HS6ST3: variants seen among roughly 807,000 people sequenced by gnomAD.
HS6ST3 encodes heparan-sulfate 6-O-sulfotransferase 3.
A neutral mutation model predicts 36.7 loss-of-function variants in HS6ST3; 12 were observed. That is an observed-to-expected ratio of 0.33 (90% CI 0.21 to 0.53). The LOEUF (loss-of-function observed/expected upper bound fraction) is 0.53. HS6ST3 is among the 20% of genes least tolerant of loss of function. The pLI is 0.95. For synonymous variants in HS6ST3, 240 were observed against 257.5 expected, an observed-to-expected ratio of 0.93 and a Z score of 0.65; for missense variants, 584 against 640.9, an observed-to-expected ratio of 0.91 and a Z score of 0.96.
intron 1 of HS6ST3, chr13:96,574,018 T>A (rs1318049417): frequency 3.7e-6 from 2 of 542,722 alleles, no homozygotes; most frequent in Admixed American, 3.9e-5. Context: ...GATTCACCAA[T>A]GACCCCTGTC....
At chr13:96,609,095 G>A (rs781323365) in intron 1 of HS6ST3, among the ~76,000 whole-genome samples, 1 of 151,796 alleles carries the variant, frequency 6.6e-6, no homozygotes, top group African/African-American at 2.4e-5. Context: ...TCAGCCTCCC[G>A]AGTAGCTGGG....
At chr13:96,197,661 G>A (rs1208777783) in intron 1 of HS6ST3, among the ~76,000 whole-genome samples, 2 of 152,182 alleles carry the variant, frequency 1.3e-5, no homozygotes, top group African/African-American at 4.8e-5. Context: ...GATACAATGA[G>A]GGTACAGGTG....
intron 1 of HS6ST3, among the ~76,000 whole-genome samples, chr13:96,160,924 A>G (rs1046548895): frequency 6.6e-6 from 1 of 152,200 alleles, no homozygotes; most frequent in Non-Finnish European, 1.5e-5. Context: ...TACAGGCTCA[A>G]AATTTGAAGA....
At chr13:96,445,227 G>A (rs926740859) in intron 1 of HS6ST3, among the ~76,000 whole-genome samples, 1 of 152,150 alleles carries the variant, frequency 6.6e-6, no homozygotes. Flanking sequence ...ATTACCCTGT[G>A]TTTACTGAAG....
At chr13:96,139,988 AGATGTGG>A (rs921709246) in intron 1 of HS6ST3, among the ~76,000 whole-genome samples, 1 of 152,206 alleles carries the variant, frequency 6.6e-6, no homozygotes. Context: ...AGTTTTTTTG[AGATGTGG>A]GACAATTTGA....
At chr13:96,156,405 A>G (rs938015474) in intron 1 of HS6ST3, among the ~76,000 whole-genome samples, 4 of 152,258 alleles carry the variant, frequency 2.6e-5, no homozygotes, top group African/African-American at 9.6e-5. Flanking sequence ...GGAGAAATCC[A>G]GAGAGTGAAA....
intron 1 of HS6ST3, among the ~76,000 whole-genome samples, chr13:96,479,925 C>T (rs1289783444): frequency 1.3e-5 from 2 of 152,118 alleles, no homozygotes; most frequent in African/African-American, 4.8e-5. Context: ...GTGAGCTTTT[C>T]ACCTTAGCCC....
chr13:96,177,301 A>G (rs117625609), intron 1 of HS6ST3, among the ~76,000 whole-genome samples: 4,155 of 152,276 alleles, frequency 0.027, 68 homozygotes, highest in East Asian at 0.055. Flanking sequence ...AAATCATTCT[A>G]CCATAAAGAC....
intron 1 of HS6ST3, among the ~76,000 whole-genome samples, chr13:96,480,367 A>G (rs562656002): frequency 2.0e-5 from 3 of 152,010 alleles, no homozygotes; most frequent in Non-Finnish European, 2.9e-5. Context: ...GCCCGCCTCG[A>G]CCTTCCAAAG....
intron 1 of HS6ST3, among the ~76,000 whole-genome samples, chr13:96,719,954 G>T (rs529186516): frequency 1.3e-5 from 2 of 152,170 alleles, no homozygotes; most frequent in East Asian, 3.9e-4. Flanking sequence ...TTTCTCCTTG[G>T]GTTAAAGGGG....
intron 1 of HS6ST3, among the ~76,000 whole-genome samples, chr13:96,318,875 G>A (rs2139413788): frequency 6.6e-6 from 1 of 152,210 alleles, no homozygotes; most frequent in Non-Finnish European, 1.5e-5. Flanking sequence ...CAATGACATT[G>A]AAAGAAAAAC....
intron 1 of HS6ST3, among the ~76,000 whole-genome samples, chr13:96,368,239 G>T (rs2055273054): frequency 6.6e-6 from 1 of 152,110 alleles, no homozygotes; most frequent in African/African-American, 2.4e-5. Flanking sequence ...AAAGTAAGGG[G>T]CTGGCAGTCA....
At chr13:96,564,922 T>C (rs532878897) in intron 1 of HS6ST3, among the ~76,000 whole-genome samples, 3 of 152,288 alleles carry the variant, frequency 2.0e-5, no homozygotes, top group South Asian at 2.1e-4. Context: ...ACCTGTGTCT[T>C]TGATGAGAGA....
At chr13:96,418,059 A>G (rs189630902) in intron 1 of HS6ST3, among the ~76,000 whole-genome samples, 1 of 152,324 alleles carries the variant, frequency 6.6e-6, no homozygotes, top group East Asian at 1.9e-4. Flanking sequence ...TATTTTCTTC[A>G]TAAGGCACAT....
intron 1 of HS6ST3, among the ~76,000 whole-genome samples, chr13:96,260,503 C>T (rs999402084): frequency 5.3e-5 from 8 of 151,198 alleles, no homozygotes; most frequent in Non-Finnish European, 7.4e-5. Flanking sequence ...TTACTAGAGA[C>T]GGGGTTTCAC....
intron 1 of HS6ST3, among the ~76,000 whole-genome samples, chr13:96,677,671 G>T (rs370372104): frequency 5.9e-5 from 9 of 152,046 alleles, no homozygotes; most frequent in Middle Eastern, 3.4e-3. Context: ...TTGACTTTCA[G>T]GATATTATTA....
intron 1 of HS6ST3, among the ~76,000 whole-genome samples, chr13:96,319,245 CTTTAACTTATCACAATA>C (rs1336813253): frequency 2.0e-5 from 3 of 152,154 alleles, no homozygotes; most frequent in Non-Finnish European, 4.4e-5. Flanking sequence ...TTTAACTTAT[CTTTAACTTATCACAATA>C]TTTAACTTAT....
At chr13:96,548,276 G>C (rs141761090) in intron 1 of HS6ST3, among the ~76,000 whole-genome samples, 6 of 152,150 alleles carry the variant, frequency 3.9e-5, no homozygotes, top group African/African-American at 1.4e-4. Context: ...ACATCCAGAC[G>C]CACCTTGCTT....
intron 1 of HS6ST3, among the ~76,000 whole-genome samples, chr13:96,696,165 A>G (rs772566217): frequency 7.2e-5 from 11 of 152,188 alleles, no homozygotes; most frequent in Non-Finnish European, 1.3e-4. Flanking sequence ...TATGAAATCC[A>G]TAGGCCAGGC....
Sources: gnomAD v4.1 joint callset for allele counts (sites outside exome capture counted in the v4.1 genomes callset) on GRCh38, gnomAD v4.1.1 for gene constraint, MANE v1.5 for transcripts, NCBI Gene and HGNC (gene_info 2026-07-23, HGNC 2026-07-21) for gene names.